The following AGBL1 variants were observed in gnomAD, a reference collection of about 807,000 sequenced individuals.
The protein encoded by AGBL1 is cytosolic carboxypeptidase 4.
AGBL1 carries 130 observed loss-of-function variants against 118.9 expected under a neutral mutation model. The observed-to-expected ratio is 1.09, with a 90% confidence interval of 0.95 to 1.26. AGBL1 has a LOEUF of 1.26. Among genes scored for constraint, AGBL1 ranks in the 50% most tolerant of loss-of-function variants. AGBL1 has a pLI of 0.00. For missense variants in AGBL1, 1,584 were observed against 1,298.1 expected, an observed-to-expected ratio of 1.22 and a Z score of -3.38; for synonymous variants, 555 against 478.9, an observed-to-expected ratio of 1.16 and a Z score of -2.08.
At chr15:86,626,883 G>C (rs567876175) in intron 21 of AGBL1, among the ~76,000 whole-genome samples, 1 of 148,120 alleles carries the variant, frequency 6.8e-6, no homozygotes, top group South Asian at 2.2e-4. Context: ...TGTCCCCCAG[G>C]TTGGAGTGCA....
chr15:86,766,375 G>C (rs1283416700), intron 22 of AGBL1, among the ~76,000 whole-genome samples: 2 of 151,870 alleles, frequency 1.3e-5, no homozygotes, highest in Non-Finnish European at 2.9e-5. Context: ...ACCAGACACT[G>C]GTCCCTTTAT....
At chr15:86,139,430 G>T (rs755159578) in intron 1 of AGBL1, among the ~76,000 whole-genome samples, 3 of 152,176 alleles carry the variant, frequency 2.0e-5, no homozygotes, top group Admixed American at 6.5e-5. Context: ...TGTCAGTCAG[G>T]GAAGTCTTTC....
intron 24 of AGBL1, among the ~76,000 whole-genome samples, chr15:87,025,593 C>G (rs1267691369): frequency 6.6e-6 from 1 of 152,046 alleles, no homozygotes; most frequent in African/African-American, 2.4e-5. Context: ...TCTACAAATT[C>G]AGAGCAATAC....
At chr15:87,030,084 TA>T (rs1355941315), downstream of AGBL1, among the ~76,000 whole-genome samples, 1 of 152,006 alleles carries the variant, frequency 6.6e-6, no homozygotes, top group Non-Finnish European at 1.5e-5. Flanking sequence ...ATACTTAAAC[TA>T]AACTTAAGGT....
At chr15:87,012,006 T>C (rs901013286) in intron 24 of AGBL1, among the ~76,000 whole-genome samples, 1 of 152,104 alleles carries the variant, frequency 6.6e-6, no homozygotes, top group Non-Finnish European at 1.5e-5. Flanking sequence ...AAATAGCCAA[T>C]TTAATTTTCT....
chr15:86,119,655 T>TTGTG lies in AGBL1; in HGVS notation c.52-22319_52-22316dup, dbSNP rs59997626. Among the ~76,000 whole-genome samples, 984 of 148,672 alleles carry TTGTG rather than the reference T, an allele frequency of 6.6e-3. 15 individuals are homozygous for TTGTG. Among genetic ancestry groups the TTGTG allele is most frequent in the South Asian group, 0.054 (250 of 4,602 alleles). ...GAAGAGCATATCTCAGAAAAGTAGTTTGTGTGTGTGTGTGTGTGTGTGTGT... is the reference window on the plus strand; with the variant it reads ...GAAGAGCATATCTCAGAAAAGTAGTTTGTGTGTGTGTGTGTGTGTGTGTGTGTGT... On this transcript the variant is annotated intron_variant, in intron 1 of 22. Coordinates refer to ENST00000614907, the MANE Select transcript of AGBL1 (RefSeq NM_001386094.1).
intron 18 of AGBL1, among the ~76,000 whole-genome samples, chr15:86,477,444 C>G (rs1475239558): frequency 6.6e-6 from 1 of 152,184 alleles, no homozygotes; most frequent in Non-Finnish European, 1.5e-5. Context: ...TCAGAGAATA[C>G]TATAAACACC....
intron 1 of AGBL1, chr15:86,116,854 T>A (rs1597414859): frequency 6.6e-6 from 1 of 152,242 alleles, no homozygotes; most frequent in South Asian, 2.1e-4. Flanking sequence ...TCACAATAAA[T>A]CTCTCTCACT....
chr15:86,699,055 C>T (rs2086311328), intron 22 of AGBL1, among the ~76,000 whole-genome samples: 1 of 151,816 alleles, frequency 6.6e-6, no homozygotes, highest in Non-Finnish European at 1.5e-5. Context: ...TCATAAAAAG[C>T]AGGAAGATAA....
intron 21 of AGBL1, among the ~76,000 whole-genome samples, chr15:86,645,538 G>A (rs542659954): frequency 1.8e-4 from 27 of 152,318 alleles, no homozygotes; most frequent in African/African-American, 6.3e-4. Flanking sequence ...CCTAGAGTGT[G>A]GCCCTGATGA....
At chr15:86,410,345 G>A (rs763636109) in intron 18 of AGBL1, among the ~76,000 whole-genome samples, 34 of 152,050 alleles carry the variant, frequency 2.2e-4, no homozygotes, top group Non-Finnish European at 3.7e-4. Flanking sequence ...CATTCTCCCT[G>A]GCTTTTACTT....
Position 86,554,453 on chromosome 15 carries a change from G to A in AGBL1, c.2910G>A (p.Arg970=), listed in dbSNP as rs1317494528. Residue 970 remains arginine, a synonymous_variant, in exon 21 of 23, where the codon CGG becomes CGA. Transcript: ENST00000614907. The stretch of plus-strand genomic sequence containing the variant: ...AGAAATCTCGAGCTTCCACGGCCCG[G>A]GTGGTGGTGTGGAGAGAGATGGGGG... ...LVEKSRASTA[R]VVVWREMGVS... is the part of the protein sequence containing the mutation. 1.3e-6 allele frequency: 2 copies of A among 1,589,060 alleles called. No individual in the cohort carries two copies. The highest frequency in any genetic ancestry group is 1.7e-6 in the Non-Finnish European group (2 of 1,167,730).
chr15:86,627,003 A>G (rs1846891578), intron 21 of AGBL1, among the ~76,000 whole-genome samples: 1 of 143,868 alleles, frequency 7.0e-6, no homozygotes, highest in Non-Finnish European at 1.5e-5. Context: ...ACGACCAGCT[A>G]ATTTTTTTTT....
chr15:86,491,874 G>A (rs973484698), intron 18 of AGBL1, among the ~76,000 whole-genome samples: 24 of 151,876 alleles, frequency 1.6e-4, no homozygotes, highest in East Asian at 3.9e-4. Context: ...GGTGGGGGGC[G>A]TGGAGCATAG....
At chr15:86,673,357 C>T (rs1327428982) in intron 21 of AGBL1, among the ~76,000 whole-genome samples, 1 of 152,122 alleles carries the variant, frequency 6.6e-6, no homozygotes, top group Non-Finnish European at 1.5e-5. Context: ...CTAGTGAAAC[C>T]AGATTCACAC....
At chr15:86,271,423 T>G (rs11852354) in intron 14 of AGBL1, among the ~76,000 whole-genome samples, 196 bp from the exon 15 acceptor site, 105,528 of 151,860 alleles carry the variant, frequency 0.69, 37,092 homozygotes, top group African/African-American at 0.76. Context: ...ATATTTATGA[T>G]TGCATTTAGG....
intron 22 of AGBL1, among the ~76,000 whole-genome samples, chr15:86,791,017 T>C (rs2078485893): frequency 6.6e-6 from 1 of 152,190 alleles, no homozygotes; most frequent in African/African-American, 2.4e-5. Flanking sequence ...TTCAGAACTG[T>C]CAGATGATCA....
At chr15:86,454,658 C>A (rs1217457728) in intron 18 of AGBL1, among the ~76,000 whole-genome samples, 4 of 152,152 alleles carry the variant, frequency 2.6e-5, no homozygotes, top group African/African-American at 9.7e-5. Flanking sequence ...AGAGTACACA[C>A]TGAATGATTC....
chr15:87,010,895 T>C (rs73449189), intron 24 of AGBL1, among the ~76,000 whole-genome samples: 9,869 of 152,248 alleles, frequency 0.065, 1,085 homozygotes, highest in African/African-American at 0.22. Flanking sequence ...CCCATCATAT[T>C]GATTCCATCT....
Sources: gnomAD v4.1 joint callset for allele counts (sites outside exome capture counted in the v4.1 genomes callset) on GRCh38, gnomAD v4.1.1 for gene constraint, MANE v1.5 for transcripts, NCBI Gene and HGNC (gene_info 2026-07-23, HGNC 2026-07-21) for gene names.